The following MTUS2 variants were observed in gnomAD, a reference collection of about 807,000 sequenced individuals.
The protein encoded by MTUS2 is microtubule-associated tumor suppressor candidate 2.
In MTUS2, 40 loss-of-function variants were observed where a neutral mutation model predicts 114.1. The observed-to-expected ratio is 0.35, with a 90% CI of 0.27 to 0.46. The LOEUF is 0.46. Among genes scored for constraint, MTUS2 ranks in the 20% least tolerant of loss-of-function variants. The probability of loss-of-function intolerance (pLI) is 1.00; values close to 1 mark genes in which losing one functional copy is unlikely to be tolerated. For missense variants in MTUS2, 1,679 were observed against 1,705.4 expected, an observed-to-expected ratio of 0.98 and a Z score of 0.27; for synonymous variants, 688 against 672.0, an observed-to-expected ratio of 1.02 and a Z score of -0.37.
Position 29,359,313 on chromosome 13 carries a change from C to T in MTUS2, c.2957C>T (p.Pro986Leu), listed in dbSNP as rs114541586. The T allele has an allele frequency of 0.016, 25,927 of 1,609,704 alleles. 242 individuals are homozygous for T. Among genetic ancestry groups the T allele is most frequent in the Non-Finnish European group, 0.019 (22,173 of 1,178,176 alleles). ...GCTCGAAATGGGTTTCCGCCCAAGC[C>T]GGACCCGCAGGCCCGTGAGGCTGAG... is the stretch of plus-strand genomic sequence containing the variant. ...AAARNGFPPK[P>L]DPQAREAERQ... The change falls in exon 8 of 16, where the codon CCG becomes CTG. Residue 986 changes from proline (P) to leucine (L), a missense_variant. Physicochemically the swap from Pro to Leu is moderately conservative, Grantham distance 98. Around this residue, in one of 3 missense-constraint regions of MTUS2, gnomAD observed 822 missense variants for 899.7 expected, o/e 0.91. Coordinates refer to ENST00000612955, the MANE Select transcript of MTUS2 (RefSeq NM_001033602.4).
intron 5 of MTUS2, among the ~76,000 whole-genome samples, chr13:29,170,262 G>A (rs1893501685): frequency 1.1e-5 from 1 of 91,548 alleles, no homozygotes; most frequent in South Asian, 3.7e-4. Flanking sequence ...GAGAGGAAGT[G>A]GCCACTATTA....
intron 2 of MTUS2, among the ~76,000 whole-genome samples, chr13:28,894,291 A>AGGGGGGGGGGGGGG (rs1566203574): frequency 1.8e-4 from 1 of 5,410 alleles, no homozygotes; most frequent in African/African-American, 5.9e-4. Flanking sequence ...GGGGGGGGGG[A>AGGGGGGGGGGGGGG]GAGAGAGAGA....
chr13:29,336,569 T>C (rs2138088613), intron 7 of MTUS2, among the ~76,000 whole-genome samples: 1 of 152,236 alleles, frequency 6.6e-6, no homozygotes, highest in East Asian at 1.9e-4. Flanking sequence ...CTGTATGAGA[T>C]GTTTATTGAC....
intron 9 of MTUS2, among the ~76,000 whole-genome samples, chr13:29,466,485 A>C (rs1879893053): frequency 6.6e-6 from 1 of 152,220 alleles, no homozygotes; most frequent in Non-Finnish European, 1.5e-5. Context: ...GATAAGGAAA[A>C]TCATGCCTTT....
chr13:29,266,581 T>C lies in MTUS2; in HGVS notation c.2645-15123T>C, dbSNP rs746449306. Among the ~76,000 whole-genome samples the C allele has an allele frequency of 4.1e-4, 63 of 152,334 alleles. 1 individual carries two copies. Among genetic ancestry groups the C allele is most frequent in the Middle Eastern group, 6.8e-3 (2 of 294 alleles). On this transcript the variant is annotated intron_variant, in intron 5 of 15. Coordinates refer to ENST00000612955, the MANE Select transcript of MTUS2 (RefSeq NM_001033602.4). ...CTCTGATTTTTATCTTCCTGCATATTGTTTTCAAAAATTTTAGAAAATGAT... is the reference window on the plus strand; with the variant it reads ...CTCTGATTTTTATCTTCCTGCATATCGTTTTCAAAAATTTTAGAAAATGAT...
At position 29,493,140 on chromosome 13, in the gene MTUS2, T is replaced by C. The variant is rs138975682; in HGVS notation, c.3579+421T>C. Among the ~76,000 whole-genome samples, 182 of 152,272 alleles carry C rather than the reference T, an allele frequency of 1.2e-3. 3 individuals are homozygous for C. In the East Asian group the frequency reaches 0.031, roughly 26 times the overall value. On this transcript the variant is annotated intron_variant, in intron 12 of 15. Transcript: ENST00000612955. ...TTCACAGAACGTGCTCTGAGACTTA[T>C]AAAAGGGGCTGCAGTTACCTGGAGG...
At chr13:29,381,852 A>T (rs61385589) in intron 8 of MTUS2, among the ~76,000 whole-genome samples, 23,588 of 152,086 alleles carry the variant, frequency 0.16, 2,610 homozygotes, top group African/African-American at 0.32. Flanking sequence ...TATTTTGATC[A>T]CCTCATGAGT....
chr13:29,240,187 A>G (rs747804380), intron 5 of MTUS2: 6 of 152,190 alleles, frequency 3.9e-5, no homozygotes, highest in Non-Finnish European at 7.3e-5. Flanking sequence ...CATGGATGCC[A>G]TGAGAGTCAG....
intron 9 of MTUS2, among the ~76,000 whole-genome samples, chr13:29,456,608 C>T (rs547125464): frequency 1.3e-5 from 2 of 152,156 alleles, no homozygotes; most frequent in East Asian, 1.9e-4. Context: ...CTAAAAAGCA[C>T]CCAGTGAAGA....
intron 9 of MTUS2, among the ~76,000 whole-genome samples, chr13:29,464,468 T>C (rs993709640): frequency 6.6e-6 from 1 of 152,250 alleles, no homozygotes; most frequent in Non-Finnish European, 1.5e-5. Flanking sequence ...GATAGGGCAC[T>C]GTCTGCCCTC....
At chr13:29,049,208 A>G (rs1887775529) in intron 4 of MTUS2, among the ~76,000 whole-genome samples, 1 of 152,230 alleles carries the variant, frequency 6.6e-6, no homozygotes, top group South Asian at 2.1e-4. Flanking sequence ...AATGTTATTA[A>G]TGGATTCTTC....
At chr13:29,193,977 AAAAC>A (rs1894559172) in intron 5 of MTUS2, among the ~76,000 whole-genome samples, 1 of 152,038 alleles carries the variant, frequency 6.6e-6, no homozygotes, top group African/African-American at 2.4e-5. Flanking sequence ...AAACCTGAGA[AAAAC>A]AAGCAATGGG....
intron 9 of MTUS2, among the ~76,000 whole-genome samples, chr13:29,471,827 CG>C (rs148927712): frequency 6.6e-6 from 1 of 150,864 alleles, no homozygotes; most frequent in Non-Finnish European, 1.5e-5. Context: ...AGGCTACTTA[CG>C]GGACCCCTAG....
At chr13:29,478,022 A>G (rs886135020) in intron 9 of MTUS2, among the ~76,000 whole-genome samples, 5 of 152,226 alleles carry the variant, frequency 3.3e-5, no homozygotes, top group African/African-American at 1.2e-4. Flanking sequence ...CATAAGCTCA[A>G]TGGGATAAGA....
At chr13:29,500,852 A>G (rs1251483428) in intron 14 of MTUS2, among the ~76,000 whole-genome samples, 2 of 152,222 alleles carry the variant, frequency 1.3e-5, no homozygotes, top group South Asian at 2.1e-4. Flanking sequence ...CATAATATAT[A>G]TAAAATAAAA....
At chr13:28,974,342 G>A (rs1593347684) in intron 2 of MTUS2, among the ~76,000 whole-genome samples, 2 of 152,108 alleles carry the variant, frequency 1.3e-5, no homozygotes, top group Admixed American at 6.5e-5. Flanking sequence ...ACTGAGCCAC[G>A]TTTTTAAAAA....
rs774749720 is a variant in MTUS2 at position 28,828,182 on chromosome 13, C to T, written c.-316+7571C>T. Among the ~76,000 whole-genome samples the T allele has an allele frequency of 1.2e-4, 19 of 152,122 alleles. 1 individual carries two copies. The highest frequency in any genetic ancestry group is 8.5e-4 in the Admixed American group (13 of 15,274). ...TTCCTTGCTGAGAAAAAGAATTCAG[C>T]GATATTTCTCCTATTTGCTCTTGAA... is the stretch of plus-strand genomic sequence containing the variant. On this transcript the variant is annotated intron_variant, in intron 1 of 15. Transcript: ENST00000612955.
chr13:29,497,279 G>A lies in MTUS2; in HGVS notation c.3621G>A (p.Arg1207=), dbSNP rs756683195. Residue 1207 remains arginine (R), a synonymous_variant, in exon 13 of 16, where the codon CGG becomes CGA. Transcript: ENST00000612955. Reference sequence around the variant, plus strand: ...TGACCTTCCAGAGCCAGTCTCTGCGGGACAGAGCCCGCCGCTTCGAAGAGG... The same window carrying A: ...TGACCTTCCAGAGCCAGTCTCTGCGAGACAGAGCCCGCCGCTTCGAAGAGG... ...DTLTFQSQSL[R]DRARRFEEAL... 2 of 1,612,148 alleles carry A rather than the reference G, an allele frequency of 1.2e-6. No individual in the cohort carries two copies. The highest frequency in any genetic ancestry group is 2.2e-5 in the South Asian group (2 of 90,986).
chr13:28,846,376 A>G (rs1265379947), intron 2 of MTUS2, among the ~76,000 whole-genome samples: 1 of 152,194 alleles, frequency 6.6e-6, no homozygotes, highest in East Asian at 1.9e-4. Flanking sequence ...ACACTTGGCT[A>G]ATTATAAGTT....
Sources: allele counts gnomAD v4.1 joint callset (sites outside exome capture counted in the v4.1 genomes callset), GRCh38; gene constraint gnomAD v4.1.1; regional missense constraint gnomAD v4.1.1; transcripts MANE v1.5; gene names NCBI Gene and HGNC (gene_info 2026-07-23, HGNC 2026-07-21).